The following PHTF2 variants were observed in gnomAD, a reference collection of about 807,000 sequenced individuals.
PHTF2 encodes the protein protein PHTF2.
In PHTF2, 60 loss-of-function variants were observed where a neutral mutation model predicts 101.2. The observed-to-expected ratio is 0.59, with a 90% CI of 0.48 to 0.73. The LOEUF is 0.73. Ranked by LOEUF, PHTF2 falls within the 30% of genes least tolerant of loss-of-function variation. PHTF2 has a pLI of 0.00. For synonymous variants in PHTF2, 311 were observed against 307.3 expected (o/e 1.01, Z -0.13); for missense variants, 747 against 908.7 (o/e 0.82, Z 2.29).
chr7:77,953,980 G>A (rs369175121), intron 19 of PHTF2, 86 bp downstream of exon 18: 12 of 1,012,412 alleles, frequency 1.2e-5, no homozygotes, highest in Middle Eastern at 2.1e-4. Flanking sequence ...ACAGTAATGC[G>A]GTCATTTTGG....
chr7:77,880,093 A>G (rs1799280523), intron 3 of PHTF2, among the ~76,000 whole-genome samples: 2 of 152,346 alleles, frequency 1.3e-5, no homozygotes, highest in Middle Eastern at 3.4e-3. Context: ...TTTCCCAACA[A>G]TATTAGCATC....
intron 7 of PHTF2, among the ~76,000 whole-genome samples, chr7:77,908,192 A>G (rs1232169748): frequency 2.6e-5 from 4 of 152,194 alleles, no homozygotes; most frequent in Non-Finnish European, 5.9e-5. Context: ...AGAAATAAGA[A>G]TGTATGATTG....
At chr7:77,923,965 A>G in intron 11 of PHTF2, 1 of 937,386 alleles carries the variant, frequency 1.1e-6, no homozygotes, top group Non-Finnish European at 1.3e-6. Context: ...GGCTGATAGT[A>G]AGCATTGATT....
In PHTF2 at chr7:77,901,896, C is replaced by A. The variant is rs1191972064; in HGVS notation, c.421C>A (p.Leu141Ile). ...AACATCAAAGGTCATCTTTTTCTGG[C>A]TTCTTGTCCTTTATCTTCTTCAAGG... The change falls in exon 7 of 20, where the codon CTT becomes ATT. Residue 141 changes from leucine (L) to isoleucine (I), a missense_variant. Leu to Ile is a conservative substitution (Grantham distance 5). Around this residue, in one of 6 missense-constraint regions of PHTF2, gnomAD observed 92 missense variants for 98.9 expected, o/e 0.93. Transcript: ENST00000416283. 2 of 1,589,790 alleles carry A rather than the reference C, an allele frequency of 1.3e-6. No individual in the cohort carries two copies. The highest frequency in any genetic ancestry group is 1.7e-6 in the Non-Finnish European group (2 of 1,168,050).
rs1008185328 is a variant in PHTF2, at chr7:77,893,764, T to C, written c.204+100T>C. ...TTTTAATATACTTTTAAGATATAAA[T>C]TACTATTCTATTGAAGCTTTTAAAG... On this transcript the variant is annotated intron_variant, in intron 4 of 19. Coordinates refer to ENST00000416283, the Ensembl canonical transcript of PHTF2. The C allele has an allele frequency of 6.4e-6, 4 of 626,468 alleles. No homozygotes were observed. In the African/African-American group the frequency reaches 7.4e-5, roughly 12 times the overall value. 38.8% of individuals were successfully genotyped at this position (626,468 alleles called of 1,614,324 possible).
intron 2 of PHTF2, among the ~76,000 whole-genome samples, chr7:77,844,528 G>C (rs552671914): frequency 5.6e-4 from 86 of 152,234 alleles, no homozygotes; most frequent in South Asian, 1.7e-3. Flanking sequence ...TTATTCTTTT[G>C]TTTTGTTTTT....
At chr7:77,956,115 T>C (rs995690702) in exon 20 of PHTF2, 2 of 152,580 alleles carry the variant, frequency 1.3e-5, no homozygotes, top group East Asian at 3.8e-4. Flanking sequence ...TACAATCGAG[T>C]ATTTTAGAAA....
chr7:77,866,141 A>G (rs1255918756), intron 3 of PHTF2, among the ~76,000 whole-genome samples: 3 of 143,542 alleles, frequency 2.1e-5, no homozygotes, highest in Non-Finnish European at 4.5e-5. Flanking sequence ...TCAAGATCAC[A>G]CCACCACACT....
chr7:77,907,233 T>C (rs902974427), intron 7 of PHTF2, among the ~76,000 whole-genome samples: 105 of 152,310 alleles, frequency 6.9e-4, no homozygotes, highest in Non-Finnish European at 6.0e-4. Flanking sequence ...AATTCCAGGG[T>C]AATTCATAAC....
chr7:77,818,059 G>A (rs12536284), intron 1 of PHTF2, among the ~76,000 whole-genome samples: 3,387 of 150,408 alleles, frequency 0.023, 51 homozygotes, highest in Middle Eastern at 0.07. Context: ...GCAGTGAGCC[G>A]AGATTGCACT....
chr7:77,826,017 T>A (rs1032242695), intron 1 of PHTF2, among the ~76,000 whole-genome samples: 2 of 152,156 alleles, frequency 1.3e-5, no homozygotes, highest in Non-Finnish European at 2.9e-5. Flanking sequence ...ACAGGCACAC[T>A]AAATGCTAGG....
intron 1 of PHTF2, among the ~76,000 whole-genome samples, chr7:77,838,260 T>C (rs1584450644): frequency 6.6e-6 from 1 of 152,264 alleles, no homozygotes; most frequent in East Asian, 1.9e-4. Context: ...TTTAAGTCAG[T>C]AAGGGAAAGC....
At position 77,879,013 on chromosome 7, in the gene PHTF2, G is replaced by A. The variant is rs114161946; in HGVS notation, c.148-14595G>A. Among the ~76,000 whole-genome samples the A allele has an allele frequency of 7.1e-3, 1,085 of 152,178 alleles. 17 individuals are homozygous for A. Among genetic ancestry groups the A allele is most frequent in the African/African-American group, 0.025 (1,041 of 41,504 alleles). On this transcript the variant is annotated intron_variant, in intron 3 of 19. Transcript: ENST00000416283. Reference sequence around the variant, plus strand: ...AAACCTGCTTTTATTCTGTGATGCCGTGGTTAGTAGTAGCAGTGCAGTCCC... The same window carrying A: ...AAACCTGCTTTTATTCTGTGATGCCATGGTTAGTAGTAGCAGTGCAGTCCC...
At chr7:77,873,087 C>T (rs1249739860) in intron 3 of PHTF2, among the ~76,000 whole-genome samples, 1 of 152,034 alleles carries the variant, frequency 6.6e-6, no homozygotes, top group Non-Finnish European at 1.5e-5. Flanking sequence ...TGCCACTATG[C>T]CTGGCTAATT....
chr7:77,901,255 A>G (rs888183269), intron 6 of PHTF2, among the ~76,000 whole-genome samples: 1 of 152,224 alleles, frequency 6.6e-6, no homozygotes, highest in African/African-American at 2.4e-5. Context: ...ACTATATCAG[A>G]TATCTATCTG....
At chr7:77,846,649 G>A (rs893535937) in intron 2 of PHTF2, among the ~76,000 whole-genome samples, 4 of 127,490 alleles carry the variant, frequency 3.1e-5, no homozygotes, top group East Asian at 2.6e-4. Context: ...CTTCCCTTCC[G>A]TTCCCTTCTC....
chr7:77,859,667 G>A (rs948185314), intron 3 of PHTF2, among the ~76,000 whole-genome samples: 3 of 150,848 alleles, frequency 2.0e-5, no homozygotes, highest in East Asian at 1.9e-4. Context: ...AGGCCTAAGC[G>A]ATCTTCCCGC....
intron 12 of PHTF2, among the ~76,000 whole-genome samples, chr7:77,936,583 A>C (rs985543387): frequency 6.6e-6 from 1 of 151,952 alleles, no homozygotes; most frequent in African/African-American, 2.4e-5. Context: ...CTGAGGCAGG[A>C]GAATCACTTG....
intron 16 of PHTF2, among the ~76,000 whole-genome samples, chr7:77,947,829 TTTTC>T (rs1562976161): frequency 8.6e-6 from 1 of 116,846 alleles, no homozygotes; most frequent in East Asian, 2.5e-4. Context: ...CTTTTTTCTT[TTTTC>T]TTTCTTTTTT....
Sources: allele counts gnomAD v4.1 joint callset (sites outside exome capture counted in the v4.1 genomes callset), GRCh38; gene constraint gnomAD v4.1.1; regional missense constraint gnomAD v4.1.1; transcripts MANE v1.5; gene names NCBI Gene and HGNC (gene_info 2026-07-23, HGNC 2026-07-21).